The following NCOA3 variants were observed in gnomAD, a reference collection of about 807,000 sequenced individuals.
NCOA3 encodes nuclear receptor coactivator 3.
NCOA3 carries 51 observed loss-of-function variants against 158.8 expected under a neutral mutation model. The ratio of observed to expected loss-of-function variants is 0.32; its 90% CI spans 0.26 to 0.41. The LOEUF is 0.41. Among genes scored for constraint, NCOA3 ranks in the 10% least tolerant of loss-of-function variants. NCOA3 has a pLI of 1.00. For missense variants in NCOA3, 1,510 were observed against 1,746.6 expected (o/e 0.86, Z 2.41); for synonymous variants, 537 against 592.4 (o/e 0.91, Z 1.36).
intron 1 of NCOA3, among the ~76,000 whole-genome samples, chr20:47,574,488 A>G (rs927159187): frequency 6.9e-6 from 1 of 144,058 alleles, no homozygotes; most frequent in Non-Finnish European, 1.5e-5. Flanking sequence ...GTATATTTTG[A>G]TTTTTTTTTT....
At chr20:47,642,073 T>G (rs2086620716) in intron 16 of NCOA3, 140 bp from the exon 17 acceptor site, 2 of 702,296 alleles carry the variant, frequency 2.8e-6, no homozygotes, top group Non-Finnish European at 4.5e-6. Flanking sequence ...CCATTCACTC[T>G]TTTTTACCAC....
At chr20:47,610,052 C>T (rs1302370943) in intron 2 of NCOA3, among the ~76,000 whole-genome samples, 2 of 152,090 alleles carry the variant, frequency 1.3e-5, no homozygotes, top group East Asian at 3.9e-4. Flanking sequence ...TGCTACCCCA[C>T]CCTCCAGAAA....
At chr20:47,642,125 A>T in intron 16 of NCOA3, 88 bp from the exon 17 acceptor site, 1 of 996,038 alleles carries the variant, frequency 1.0e-6, no homozygotes, top group Middle Eastern at 2.3e-4. Context: ...GTTACTGTTC[A>T]TTAAAAATAC....
chr20:47,626,920 G>A lies in NCOA3; in HGVS notation c.358-82G>A, dbSNP rs1433312751. ...TGTTTCCAAATACAGTTACACTGAT[G>A]GTTAGAGTTTCAATTTAAGAATTAG... On this transcript the variant is annotated intron_variant, in intron 5 of 22. Coordinates refer to ENST00000371998, the MANE Select transcript of NCOA3 (RefSeq NM_181659.3). The A allele has an allele frequency of 4.8e-6, 6 of 1,242,606 alleles. No homozygotes were observed. In the East Asian group the frequency reaches 1.4e-4, roughly 29 times the overall value. 77.0% of individuals were successfully genotyped at this position (1,242,606 alleles called of 1,614,324 possible).
chr20:47,532,110 T>TTTGTG (rs3221450), intron 1 of NCOA3, among the ~76,000 whole-genome samples: 7 of 147,402 alleles, frequency 4.7e-5, no homozygotes, highest in Admixed American at 6.8e-5. Context: ...AGGGGGGGAC[T>TTTGTG]TGTGTGTGTG....
intron 1 of NCOA3, among the ~76,000 whole-genome samples, chr20:47,521,991 T>C (rs540747833): frequency 2.0e-5 from 3 of 152,188 alleles, no homozygotes; most frequent in Non-Finnish European, 4.4e-5. Flanking sequence ...AATCAACATC[T>C]TAACAGTATT....
intron 1 of NCOA3, among the ~76,000 whole-genome samples, chr20:47,569,891 T>A (rs921502570): frequency 2.0e-5 from 3 of 151,866 alleles, no homozygotes; most frequent in African/African-American, 7.3e-5. Context: ...GTGCCTGTAG[T>A]CCCAGCTACT....
chr20:47,534,382 C>T (rs989258114), intron 1 of NCOA3, among the ~76,000 whole-genome samples: 1 of 152,090 alleles, frequency 6.6e-6, no homozygotes, highest in African/African-American at 2.4e-5. Context: ...TTGGTACCCA[C>T]CACAAGATGC....
Position 47,627,042 on chromosome 20 carries a change from A to T in NCOA3, c.398A>T (p.Asn133Ile). The change falls in exon 6 of 23, where the codon AAC (asparagine) becomes ATC (isoleucine). Residue 133 changes from asparagine to isoleucine, a missense_variant. Around this residue, in one of 4 missense-constraint regions of NCOA3, gnomAD observed 309 missense variants for 427.1 expected, o/e 0.72. Transcript: ENST00000371998. ...CTATTTGTGGTGAATCGAGACGGAA[A>T]CATTGTATTTGTATCAGAAAATGTC... ...GFLFVVNRDG[N>I]IVFVSENVTQ... 6.2e-7 allele frequency: 1 copy of T among 1,613,586 alleles called. No individual in the cohort carries two copies. The highest frequency in any genetic ancestry group is 8.5e-7 in the Non-Finnish European group (1 of 1,179,750).
chr20:47,558,274 G>A (rs1351735176), intron 1 of NCOA3, among the ~76,000 whole-genome samples: 5 of 119,288 alleles, frequency 4.2e-5, no homozygotes, highest in South Asian at 2.7e-4. Flanking sequence ...TAGAGATGGG[G>A]TTTCTCCATG....
At position 47,639,917 on chromosome 20, in the gene NCOA3, TC is replaced by T; in HGVS notation, c.2954-3del. 1 of 1,613,550 alleles carries T rather than the reference TC, an allele frequency of 6.2e-7. No homozygotes were observed. The stretch of plus-strand genomic sequence containing the variant: ...TTGAGAATTTGTGCTTTCTTTTTGC[TC>T]CCCCAGGGCCTGGTGAAATCCCCAT... On this transcript the variant is annotated splice_polypyrimidine_tract_variant and splice_region_variant and intron_variant, in intron 15 of 22. Transcript: ENST00000371998.
chr20:47,647,439 C>T, intron 18 of NCOA3, 73 bp downstream of exon 18: 1 of 1,378,386 alleles, frequency 7.3e-7, no homozygotes, highest in Non-Finnish European at 1.0e-6. Flanking sequence ...AGTGTTCTTA[C>T]CACTGGTGCA....
At chr20:47,641,490 C>CTTTTTTTT (rs71183270) in intron 16 of NCOA3, among the ~76,000 whole-genome samples, 501 of 48,368 alleles carry the variant, frequency 0.01, 56 homozygotes, top group Non-Finnish European at 0.012. Context: ...TGGCTCCCTT[C>CTTTTTTTT]TTTTTTTTTT....
At chr20:47,539,379 TA>T (rs1555801878) in intron 1 of NCOA3, among the ~76,000 whole-genome samples, 3 of 152,218 alleles carry the variant, frequency 2.0e-5, no homozygotes, top group Non-Finnish European at 4.4e-5. Flanking sequence ...TAATAGAACA[TA>T]AACTATTTGA....
intron 1 of NCOA3, among the ~76,000 whole-genome samples, chr20:47,570,935 T>TACACACAC (rs1355297954): frequency 1.9e-3 from 106 of 56,948 alleles, no homozygotes; most frequent in African/African-American, 6.6e-3. Flanking sequence ...AGCAGTAATA[T>TACACACAC]ATATACACAC....
chr20:47,639,355 G>A (rs1289635875), intron 14 of NCOA3, among the ~76,000 whole-genome samples, 153 bp downstream of exon 14: 1 of 152,036 alleles, frequency 6.6e-6, no homozygotes, highest in Non-Finnish European at 1.5e-5. Flanking sequence ...CTATGTTTTG[G>A]TTATGTAAAC....
chr20:47,567,705 G>A (rs2085221348), intron 1 of NCOA3, among the ~76,000 whole-genome samples: 1 of 152,132 alleles, frequency 6.6e-6, no homozygotes, highest in Non-Finnish European at 1.5e-5. Flanking sequence ...AAGTAGCTGG[G>A]ATTACAGGTA....
chr20:47,625,381 G>A lies in NCOA3; in HGVS notation c.257G>A (p.Gly86Glu). 6.2e-7 allele frequency: 1 copy of A among 1,607,252 alleles called. No individual in the cohort carries two copies. The highest frequency in any genetic ancestry group is 1.3e-5 in the African/African-American group (1 of 74,836). Residue 86 changes from glycine to glutamate, a missense_variant and splice_region_variant, in exon 5 of 23, where the codon GGA (glycine) becomes GAA (glutamate). Physicochemically the swap from Gly to Glu is moderately conservative, Grantham distance 98 (BLOSUM62 -2). Transcript: ENST00000371998. ...GTTATACCACCTTCTGTCTTTTCAG[G>A]AAAAACTATTTCCAATGATGATGAT... ...VRQIRQIKEQ[G>E]KTISNDDDVQ...
chr20:47,630,512 G>T (rs1680420746), intron 8 of NCOA3: 1 of 145,708 alleles, frequency 6.9e-6, no homozygotes, highest in Non-Finnish European at 1.5e-5. Context: ...GCCCAGGCTG[G>T]AGTGCAGTGG....
Sources: allele counts gnomAD v4.1 joint callset (sites outside exome capture counted in the v4.1 genomes callset), GRCh38; gene constraint gnomAD v4.1.1; regional missense constraint gnomAD v4.1.1; transcripts MANE v1.5; gene names NCBI Gene and HGNC (gene_info 2026-07-23, HGNC 2026-07-21).